The following ARL15 variants were observed in gnomAD, a reference collection of about 807,000 sequenced individuals.
ARL15 encodes the protein ARF like GTPase 15, also known as ADP-ribosylation factor-like protein 15.
Under a neutral mutation model 25.2 loss-of-function variants are expected in ARL15, and 19 were observed. The ratio of observed to expected loss-of-function variants is 0.75; its 90% CI spans 0.53 to 1.10. ARL15 has a LOEUF of 1.10. Among genes scored for constraint, ARL15 ranks in the 50% least tolerant of loss-of-function variants. ARL15 has a pLI of 0.00. For synonymous variants in ARL15, 94 were observed against 86.8 expected (o/e 1.08, Z -0.46); for missense variants, 220 against 246.0 (o/e 0.89, Z 0.71).
Position 54,036,151 on chromosome 5 carries a change from TA to T in ARL15, c.462+77050del, listed in dbSNP as rs1018297218. The stretch of plus-strand genomic sequence containing the variant: ...GGCAACAGAGTGAGACCCCGCTTCG[TA>T]AAAAAGAAAAAAAAAAAGGGATTTT... On this transcript the variant is annotated intron_variant, in intron 4 of 4. Transcript: ENST00000504924. Among the ~76,000 whole-genome samples the T allele has an allele frequency of 4.8e-4, 70 of 146,072 alleles. No homozygotes were observed. In the East Asian group the frequency reaches 0.012, roughly 25 times the overall value.
chr5:54,027,094 G>A (rs1749805556), intron 4 of ARL15, among the ~76,000 whole-genome samples: 1 of 152,172 alleles, frequency 6.6e-6, no homozygotes, highest in African/African-American at 2.4e-5. Flanking sequence ...CATTTTAAAT[G>A]AGTGGGTTTG....
intron 4 of ARL15, among the ~76,000 whole-genome samples, chr5:54,065,366 TCC>T (rs1376513507): frequency 5.3e-5 from 8 of 152,162 alleles, no homozygotes; most frequent in Admixed American, 5.2e-4. Flanking sequence ...ATGTGGCTGG[TCC>T]AAACTGAGAT....
intron 4 of ARL15, among the ~76,000 whole-genome samples, chr5:53,969,153 A>AAAAC (rs1045989648): frequency 2.5e-4 from 38 of 152,262 alleles, no homozygotes; most frequent in Non-Finnish European, 5.1e-4. Flanking sequence ...TCCATCTCAA[A>AAAAC]AAACAAACAA....
At chr5:54,191,885 A>T (rs575904692) in intron 1 of ARL15, among the ~76,000 whole-genome samples, 2 of 152,170 alleles carry the variant, frequency 1.3e-5, no homozygotes, top group South Asian at 4.1e-4. Flanking sequence ...AAATACTCCA[A>T]AGGCTCCCAT....
intron 1 of ARL15, among the ~76,000 whole-genome samples, chr5:54,187,275 T>C (rs1024857360): frequency 6.6e-6 from 1 of 152,182 alleles, no homozygotes; most frequent in African/African-American, 2.4e-5. Context: ...GCTCTCATGC[T>C]GGGGCCCTGG....
chr5:54,289,906 C>G (rs1758282487), intron 1 of ARL15, among the ~76,000 whole-genome samples: 1 of 152,174 alleles, frequency 6.6e-6, no homozygotes, highest in African/African-American at 2.4e-5. Flanking sequence ...ACAACTTCCT[C>G]TAAGCATTTG....
At chr5:54,195,881 A>G (rs909041223) in intron 1 of ARL15, among the ~76,000 whole-genome samples, 1 of 152,096 alleles carries the variant, frequency 6.6e-6, no homozygotes, top group Admixed American at 6.6e-5. Context: ...TGACTCAGCT[A>G]ATAAGTGATG....
chr5:53,888,584 TTAAGAGGATTCTTGC>T (rs1159343660), intron 4 of ARL15, among the ~76,000 whole-genome samples: 2 of 152,170 alleles, frequency 1.3e-5, no homozygotes, highest in Non-Finnish European at 2.9e-5. Context: ...ATGCCCAGCT[TTAAGAGGATTCTTGC>T]TTACTGAAAA....
intron 4 of ARL15, among the ~76,000 whole-genome samples, chr5:54,017,854 G>A (rs544153902): frequency 3.8e-4 from 57 of 151,940 alleles, no homozygotes; most frequent in African/African-American, 9.2e-4. Context: ...TTCCTTACAC[G>A]TCAAGAAAAT....
chr5:54,059,054 C>A (rs929261002), intron 4 of ARL15, among the ~76,000 whole-genome samples: 1 of 152,172 alleles, frequency 6.6e-6, no homozygotes, highest in African/African-American at 2.4e-5. Context: ...TAAAAGCCAC[C>A]TTCTCCAAGA....
At chr5:54,046,042 G>A (rs561131665) in intron 4 of ARL15, among the ~76,000 whole-genome samples, 7 of 152,030 alleles carry the variant, frequency 4.6e-5, no homozygotes, top group East Asian at 3.8e-4. Flanking sequence ...CAGATAGTCC[G>A]TGTAGACTGG....
rs372704359 is a variant in ARL15 at position 54,302,683 on chromosome 5, ATTTTTTTTTT to A, written c.48+7739_48+7748del. Among the ~76,000 whole-genome samples the A allele has an allele frequency of 3.0e-3, 233 of 77,864 alleles. 1 individual carries two copies. Among genetic ancestry groups the A allele is most frequent in the Non-Finnish European group, 4.0e-3 (177 of 44,672 alleles). The allele number at this position is 77,864 out of a possible 152,430, so 51.1% of individuals were successfully genotyped here. A position where few individuals can be genotyped will look rare whatever the true frequency, so the allele number is the denominator to read the frequency against. ...GCAAAGCACCTGTTCTAAAATTAAG[ATTTTTTTTTT>A]TTTTTTTTTTTTTTTTTTTCCAGGA... On this transcript the variant is annotated intron_variant, in intron 1 of 4. Transcript: ENST00000504924.
chr5:54,154,425 G>A (rs1054964844), intron 3 of ARL15, 155 bp downstream of exon 3: 19 of 551,024 alleles, frequency 3.4e-5, no homozygotes, highest in Non-Finnish European at 5.9e-5. Flanking sequence ...TAAAACATAC[G>A]AAGAGAAGGA....
intron 4 of ARL15, among the ~76,000 whole-genome samples, chr5:54,008,886 T>C (rs1281543317): frequency 1.3e-5 from 2 of 152,220 alleles, no homozygotes; most frequent in African/African-American, 2.4e-5. Flanking sequence ...TGTTATCTAT[T>C]CTGGCATTGT....
chr5:54,062,506 T>G, intron 4 of ARL15, among the ~76,000 whole-genome samples: 1 of 148,340 alleles, frequency 6.7e-6, no homozygotes, highest in Non-Finnish European at 1.5e-5. Context: ...TCACGAGATT[T>G]GGTGGTTAAG....
At chr5:54,236,970 T>G (rs1398462091) in intron 1 of ARL15, among the ~76,000 whole-genome samples, 4 of 152,172 alleles carry the variant, frequency 2.6e-5, no homozygotes, top group Non-Finnish European at 5.9e-5. Context: ...GGAACATGAG[T>G]GAAAATGATG....
intron 4 of ARL15, among the ~76,000 whole-genome samples, chr5:53,942,298 G>T (rs1406907800): frequency 6.6e-6 from 1 of 152,106 alleles, no homozygotes. Context: ...GGGGCTTCAG[G>T]AATCTTTTGA....
intron 4 of ARL15, among the ~76,000 whole-genome samples, chr5:54,022,761 C>T (rs1029454859): frequency 1.3e-5 from 2 of 152,158 alleles, no homozygotes; most frequent in South Asian, 2.1e-4. Context: ...ATGTAATAAA[C>T]GTGTGTGCCT....
At chr5:53,909,987 C>A (rs887076612) in intron 4 of ARL15, among the ~76,000 whole-genome samples, 1 of 152,096 alleles carries the variant, frequency 6.6e-6, no homozygotes, top group Non-Finnish European at 1.5e-5. Flanking sequence ...GGATTTTTAT[C>A]TTATCTAAGC....
Sources: allele counts gnomAD v4.1 joint callset (sites outside exome capture counted in the v4.1 genomes callset), GRCh38; gene constraint gnomAD v4.1.1; transcripts MANE v1.5; gene names NCBI Gene and HGNC (gene_info 2026-07-23, HGNC 2026-07-21).